Variants in ATRNL1 observed in about 807,000 individuals in gnomAD.
ATRNL1 encodes the protein attractin like 1, also known as attractin-like protein 1.
Under a neutral mutation model 182.7 loss-of-function variants are expected in ATRNL1, and 95 were observed. That is an observed-to-expected ratio of 0.52 (90% confidence interval 0.44 to 0.62). ATRNL1 has a LOEUF of 0.62. Ranked by LOEUF, ATRNL1 falls within the 20% of genes least tolerant of loss-of-function variation. The pLI is 0.00. For missense variants in ATRNL1, 1,471 were observed against 1,679.5 expected, an observed-to-expected ratio of 0.88 and a Z score of 2.17; for synonymous variants, 576 against 568.3, an observed-to-expected ratio of 1.01 and a Z score of -0.19.
intron 21 of ATRNL1, among the ~76,000 whole-genome samples, chr10:115,445,515 G>C (rs1450842981): frequency 7.6e-6 from 1 of 131,932 alleles, no homozygotes; most frequent in African/African-American, 3.4e-5. Flanking sequence ...CCGTGTGTGT[G>C]TGTGTGTGTG....
chr10:115,339,362 C>G (rs1476031161), intron 19 of ATRNL1, among the ~76,000 whole-genome samples: 1 of 151,766 alleles, frequency 6.6e-6, no homozygotes, highest in Non-Finnish European at 1.5e-5. Context: ...TCTTCCAATG[C>G]ATTTTTGGTA....
Position 115,507,968 on chromosome 10 carries a change from C to T in ATRNL1, c.3655-11295C>T, listed in dbSNP as rs1275241971. 4.6e-5 allele frequency among the ~76,000 whole-genome samples: 7 copies of T among 151,924 alleles called. No individual in the cohort carries two copies. In the East Asian group the frequency reaches 9.7e-4, roughly 21 times the overall value. On this transcript the variant is annotated intron_variant, in intron 24 of 28. Coordinates refer to ENST00000355044, the MANE Select transcript of ATRNL1 (RefSeq NM_207303.4). ...AGGCATACCTTGTTGTATTTTACTT[C>T]GCATTATTGCACTTCAGAGATGTTG...
At chr10:115,426,651 C>T (rs1243201641) in intron 21 of ATRNL1, among the ~76,000 whole-genome samples, 1 of 152,140 alleles carries the variant, frequency 6.6e-6, no homozygotes, top group Non-Finnish European at 1.5e-5. Context: ...TTGGGCATTA[C>T]TAAAAGGCTG....
chr10:115,717,595 G>A (rs933995247), intron 26 of ATRNL1, among the ~76,000 whole-genome samples: 2 of 121,076 alleles, frequency 1.7e-5, no homozygotes, highest in Non-Finnish European at 3.2e-5. Flanking sequence ...TCTGTCACCT[G>A]GGCTAGAGTG....
intron 18 of ATRNL1, among the ~76,000 whole-genome samples, chr10:115,326,778 T>C (rs1477522488): frequency 1.7e-4 from 26 of 152,030 alleles, no homozygotes; most frequent in East Asian, 1.5e-3. Flanking sequence ...GAAATAACGC[T>C]GCACATCTAC....
chr10:115,915,012 A>C (rs1243567826), intron 28 of ATRNL1, among the ~76,000 whole-genome samples: 2 of 152,246 alleles, frequency 1.3e-5, no homozygotes, highest in Non-Finnish European at 2.9e-5. Flanking sequence ...CTTTGGACAA[A>C]AAACATTTAA....
intron 27 of ATRNL1, among the ~76,000 whole-genome samples, chr10:115,828,892 A>G (rs529477534): frequency 3.7e-4 from 57 of 152,342 alleles, no homozygotes; most frequent in African/African-American, 1.4e-3. Flanking sequence ...TCTTTAAAAA[A>G]TGTAATGTCC....
chr10:115,208,294 T>A lies in ATRNL1; in HGVS notation c.1349-7403T>A, dbSNP rs567957800. Among the ~76,000 whole-genome samples the A allele has an allele frequency of 2.0e-5, 3 of 152,220 alleles. No homozygotes were observed. In the South Asian group the frequency reaches 6.2e-4, roughly 32 times the overall value. ...AACATTCTGTTCTACCACTTCTATC[T>A]TTTGTTTTATTTCTGGGTCTCTTTC... On this transcript the variant is annotated intron_variant, in intron 8 of 28. Coordinates refer to ENST00000355044, the MANE Select transcript of ATRNL1 (RefSeq NM_207303.4).
At chr10:115,297,650 TA>T (rs5788102) in intron 15 of ATRNL1, among the ~76,000 whole-genome samples, 41,578 of 116,028 alleles carry the variant, frequency 0.36, 7,200 homozygotes, top group East Asian at 0.67. Flanking sequence ...GACTCCGTCT[TA>T]AAAAAAAAAA....
intron 13 of ATRNL1, among the ~76,000 whole-genome samples, chr10:115,271,429 C>T (rs1225415435): frequency 1.3e-5 from 2 of 151,980 alleles, no homozygotes; most frequent in African/African-American, 4.8e-5. Context: ...GCTATCCCTC[C>T]CCTCTACCCC....
At chr10:115,436,889 T>A (rs1254870871) in intron 21 of ATRNL1, among the ~76,000 whole-genome samples, 8 of 152,116 alleles carry the variant, frequency 5.3e-5, no homozygotes, top group Admixed American at 1.3e-4. Flanking sequence ...AGAAAATAGA[T>A]ATTAAACCAG....
intron 20 of ATRNL1, among the ~76,000 whole-genome samples, chr10:115,416,897 G>A (rs1845413664): frequency 6.6e-6 from 1 of 152,140 alleles, no homozygotes; most frequent in African/African-American, 2.4e-5. Flanking sequence ...GAAAACACTT[G>A]AGGGAGAGTG....
chr10:115,349,727 C>T (rs1209684812), intron 19 of ATRNL1, among the ~76,000 whole-genome samples: 1 of 152,136 alleles, frequency 6.6e-6, no homozygotes, highest in Non-Finnish European at 1.5e-5. Context: ...TTTTCATAAA[C>T]CTGTTGGCCA....
chr10:115,709,029 A>G (rs1359794130), intron 26 of ATRNL1, among the ~76,000 whole-genome samples: 1 of 151,864 alleles, frequency 6.6e-6, no homozygotes, highest in Non-Finnish European at 1.5e-5. Flanking sequence ...CAACAGTGGC[A>G]TCAGTAGACT....
At chr10:115,594,291 T>C (rs1415184487) in intron 26 of ATRNL1, among the ~76,000 whole-genome samples, 8 of 152,198 alleles carry the variant, frequency 5.3e-5, no homozygotes, top group Non-Finnish European at 1.0e-4. Context: ...TTCTCACATA[T>C]TACAGATTGT....
At chr10:115,763,907 G>T (rs1593184311) in intron 27 of ATRNL1, among the ~76,000 whole-genome samples, 2 of 152,210 alleles carry the variant, frequency 1.3e-5, no homozygotes, top group African/African-American at 4.8e-5. Flanking sequence ...TTAAAAGTTT[G>T]AAAGAAACAG....
At chr10:115,696,497 G>A (rs1435622966) in intron 26 of ATRNL1, among the ~76,000 whole-genome samples, 7 of 152,022 alleles carry the variant, frequency 4.6e-5, no homozygotes, top group Non-Finnish European at 1.0e-4. Flanking sequence ...AAAATAATAG[G>A]ACAATTTATG....
At chr10:115,128,902 A>G (rs1845098035) in intron 4 of ATRNL1, among the ~76,000 whole-genome samples, 1 of 151,850 alleles carries the variant, frequency 6.6e-6, no homozygotes. Flanking sequence ...TGTATGGGTG[A>G]TAGCATGCTC....
chr10:115,340,236 T>C (rs1855676602), intron 19 of ATRNL1, among the ~76,000 whole-genome samples: 1 of 152,064 alleles, frequency 6.6e-6, no homozygotes, highest in Non-Finnish European at 1.5e-5. Flanking sequence ...CTCCACCTCC[T>C]GGGTTCAAGT....
Sources: allele counts gnomAD v4.1 joint callset (sites outside exome capture counted in the v4.1 genomes callset), GRCh38; gene constraint gnomAD v4.1.1; transcripts MANE v1.5; gene names NCBI Gene and HGNC (gene_info 2026-07-23, HGNC 2026-07-21).